TANGO2: variants seen among roughly 807,000 people sequenced by gnomAD.
TANGO2 encodes transport and Golgi organization protein 2 homolog.
A neutral mutation model predicts 39.1 loss-of-function variants in TANGO2; 26 were observed. That is an observed-to-expected ratio of 0.67 (90% CI 0.49 to 0.92). TANGO2 has a LOEUF of 0.92. Ranked by LOEUF, TANGO2 falls within the 40% of genes least tolerant of loss-of-function variation. The pLI is 0.00. For missense variants in TANGO2, 326 were observed against 360.1 expected, an observed-to-expected ratio of 0.91 and a Z score of 0.77; for synonymous variants, 131 against 144.5, an observed-to-expected ratio of 0.91 and a Z score of 0.67.
chr22:20,038,684 G>A (rs62222175), intron 2 of TANGO2, among the ~76,000 whole-genome samples: 5,287 of 152,252 alleles, frequency 0.035, 154 homozygotes, highest in Admixed American at 0.08. Flanking sequence ...GCAAATGTGC[G>A]CTGTGTTTTC....
intron 3 of TANGO2, among the ~76,000 whole-genome samples, chr22:20,051,369 TA>T: frequency 1.3e-5 from 2 of 151,168 alleles, no homozygotes; most frequent in African/African-American, 4.9e-5. Context: ...CCGTTTCTAC[TA>T]AAAATACAAA....
intron 6 of TANGO2, among the ~76,000 whole-genome samples, chr22:20,059,499 A>G (rs1427251281): frequency 6.6e-6 from 1 of 152,242 alleles, no homozygotes; most frequent in African/African-American, 2.4e-5. Flanking sequence ...CATTCCCACC[A>G]GCAGTGTATG....
intron 1 of TANGO2, among the ~76,000 whole-genome samples, chr22:20,024,307 A>G (rs558842065): frequency 6.6e-6 from 1 of 152,360 alleles, no homozygotes; most frequent in South Asian, 2.1e-4. Context: ...AGGGCATTGC[A>G]GTGGACTGGA....
upstream of TANGO2, among the ~76,000 whole-genome samples, chr22:20,019,696 C>T (rs541911226): frequency 5.9e-5 from 9 of 152,330 alleles, 1 homozygote; most frequent in Admixed American, 4.6e-4. Flanking sequence ...CTGCCATGAA[C>T]CCCAGGGCAC....
At chr22:20,021,951 G>C (rs1391793102) in intron 1 of TANGO2, among the ~76,000 whole-genome samples, 1 of 152,212 alleles carries the variant, frequency 6.6e-6, no homozygotes, top group Non-Finnish European at 1.5e-5. Context: ...TCCTCTTCAG[G>C]AATGTCACAT....
chr22:20,053,301 G>A (rs1419810473), intron 4 of TANGO2, 136 bp from the exon 5 acceptor site: 7 of 624,036 alleles, frequency 1.1e-5, no homozygotes, highest in Admixed American at 2.6e-5. Flanking sequence ...TGACTCTTGC[G>A]GCAGTCATGA....
At chr22:20,034,872 G>A (rs181000848) in intron 1 of TANGO2, among the ~76,000 whole-genome samples, 9 of 152,330 alleles carry the variant, frequency 5.9e-5, no homozygotes, top group African/African-American at 9.6e-5. Context: ...CACGCTCTCC[G>A]AACTGTTGGC....
intron 1 of TANGO2, among the ~76,000 whole-genome samples, chr22:20,021,633 C>T (rs915759079): frequency 4.6e-5 from 7 of 152,248 alleles, no homozygotes; most frequent in African/African-American, 7.2e-5. Flanking sequence ...GCTGGGTCAT[C>T]CCTGCGCCTG....
chr22:20,026,760 C>A (rs559785041), intron 1 of TANGO2, among the ~76,000 whole-genome samples: 35 of 152,338 alleles, frequency 2.3e-4, no homozygotes, highest in African/African-American at 8.2e-4. Context: ...GTGGGGGATG[C>A]CCATAAAACC....
chr22:20,030,053 C>T (rs1343974516), intron 1 of TANGO2, among the ~76,000 whole-genome samples: 3 of 151,942 alleles, frequency 2.0e-5, no homozygotes, highest in East Asian at 1.9e-4. Context: ...CCAGCCGCTC[C>T]GTATGACCAG....
intron 1 of TANGO2, among the ~76,000 whole-genome samples, chr22:20,021,648 C>T (rs948584985): frequency 2.0e-5 from 3 of 152,340 alleles, no homozygotes; most frequent in Admixed American, 6.5e-5. Context: ...CGCCTGGATG[C>T]GGCCTTCCTG....
intron 1 of TANGO2, among the ~76,000 whole-genome samples, chr22:20,034,154 G>A (rs1368614246): frequency 6.6e-6 from 1 of 152,164 alleles, no homozygotes; most frequent in Non-Finnish European, 1.5e-5. Context: ...GCGGTGAGCC[G>A]AGATTATGCC....
intron 1 of TANGO2, among the ~76,000 whole-genome samples, chr22:20,034,789 G>A (rs2042541511): frequency 6.6e-6 from 1 of 152,164 alleles, no homozygotes; most frequent in Non-Finnish European, 1.5e-5. Context: ...ACCAGAGTAT[G>A]AGCCCCAGTG....
chr22:20,030,849 C>T (rs2041714035), intron 1 of TANGO2, among the ~76,000 whole-genome samples: 1 of 152,184 alleles, frequency 6.6e-6, no homozygotes, highest in South Asian at 2.1e-4. Context: ...ATCACTTCAG[C>T]CCATGAGTTT....
rs376056144 is a variant in TANGO2, at chr22:20,040,111, G to C, written c.57-3244G>C. 5.9e-5 allele frequency among the ~76,000 whole-genome samples: 9 copies of C among 152,238 alleles called. No individual in the cohort carries two copies. In the East Asian group the frequency reaches 1.2e-3, roughly 20 times the overall value. ...GAGAGAGCTACTTCCTCCTCCCTTT[G>C]GGGCTTGATCTGGGTGCTCAGCATG... On this transcript the variant is annotated intron_variant, in intron 2 of 8. Coordinates refer to ENST00000327374, the MANE Select transcript of TANGO2 (RefSeq NM_152906.7).
At chr22:20,050,432 C>G (rs1036537192) in intron 3 of TANGO2, among the ~76,000 whole-genome samples, 4 of 134,328 alleles carry the variant, frequency 3.0e-5, no homozygotes, top group Non-Finnish European at 6.1e-5. Context: ...GGCGCCATCT[C>G]TGCTCATTGC....
chr22:20,042,620 C>T (rs899839905), intron 2 of TANGO2, among the ~76,000 whole-genome samples: 4 of 152,000 alleles, frequency 2.6e-5, no homozygotes, highest in Non-Finnish European at 2.9e-5. Context: ...AAAAAATTAG[C>T]TGGGTGTGGT....
At chr22:20,044,350 C>G (rs1388451619) in intron 3 of TANGO2, among the ~76,000 whole-genome samples, 1 of 152,062 alleles carries the variant, frequency 6.6e-6, no homozygotes, top group East Asian at 1.9e-4. Flanking sequence ...TGGTAAAACC[C>G]TGTCTCTACA....
At chr22:20,061,915 A>G (rs2048462093) in intron 7 of TANGO2, 4 of 554,920 alleles carry the variant, frequency 7.2e-6, no homozygotes, top group Non-Finnish European at 1.2e-5. Flanking sequence ...GCCCAGGCCC[A>G]GGGGAGGCTC....
Sources: allele counts gnomAD v4.1 joint callset (sites outside exome capture counted in the v4.1 genomes callset), GRCh38; gene constraint gnomAD v4.1.1; transcripts MANE v1.5; gene names NCBI Gene and HGNC (gene_info 2026-07-23, HGNC 2026-07-21).